Variants in ADARB2 observed in about 807,000 individuals in gnomAD.
The protein encoded by ADARB2 is inactive double-stranded RNA-specific editase B2.
Under a neutral mutation model 62.2 loss-of-function variants are expected in ADARB2, and 25 were observed. The observed-to-expected ratio is 0.40, with a 90% CI of 0.29 to 0.56. The LOEUF (loss-of-function observed/expected upper bound fraction) is 0.56, where lower values mean the gene tolerates loss of function less well. ADARB2 is among the 20% of genes least tolerant of loss of function. The pLI, the probability that ADARB2 is intolerant of heterozygous loss-of-function variation, is 0.43. For synonymous variants in ADARB2, 572 were observed against 500.8 expected (o/e 1.14, Z -1.90); for missense variants, 1,071 against 1,077.4 (o/e 0.99, Z 0.08).
chr10:1,270,810 A>G (rs1443016105), intron 4 of ADARB2, 145 bp downstream of exon 4: 2 of 696,122 alleles, frequency 2.9e-6, no homozygotes, highest in African/African-American at 1.8e-5. Context: ...CTGGCCACTG[A>G]TCTCTGTATA....
intron 7 of ADARB2, among the ~76,000 whole-genome samples, chr10:1,202,254 G>T (rs370013976): frequency 3.6e-4 from 54 of 152,062 alleles, no homozygotes; most frequent in African/African-American, 1.2e-3. Flanking sequence ...TTGTGTGTGT[G>T]TGTGTTTTTT....
intron 1 of ADARB2, among the ~76,000 whole-genome samples, chr10:1,697,868 G>T (rs921701586): frequency 9.2e-5 from 14 of 152,300 alleles, no homozygotes; most frequent in African/African-American, 3.1e-4. Context: ...CTCCGTAACC[G>T]TGAATTCATC....
intron 3 of ADARB2, chr10:1,291,717 A>C (rs967246548): frequency 1.3e-5 from 2 of 152,234 alleles, no homozygotes; most frequent in African/African-American, 4.8e-5. Flanking sequence ...AAATTTGGAC[A>C]AACATGCAAC....
chr10:1,352,446 C>T (rs1832153063), intron 3 of ADARB2, among the ~76,000 whole-genome samples: 1 of 152,190 alleles, frequency 6.6e-6, no homozygotes, highest in Non-Finnish European at 1.5e-5. Flanking sequence ...CCTGACTCAT[C>T]CTGACCCTTT....
chr10:1,555,433 C>T (rs1476398143), intron 1 of ADARB2, among the ~76,000 whole-genome samples: 1 of 152,142 alleles, frequency 6.6e-6, no homozygotes, highest in Non-Finnish European at 1.5e-5. Flanking sequence ...CAATTTGAAG[C>T]TCAATCATCC....
intron 1 of ADARB2, among the ~76,000 whole-genome samples, chr10:1,619,181 A>G (rs1421256205): frequency 2.0e-5 from 3 of 152,166 alleles, no homozygotes; most frequent in Non-Finnish European, 4.4e-5. Context: ...TGGTCTAAAC[A>G]CCCAAATAAA....
chr10:1,336,745 C>T (rs1370125317), intron 3 of ADARB2, among the ~76,000 whole-genome samples: 3 of 152,154 alleles, frequency 2.0e-5, no homozygotes, highest in Non-Finnish European at 2.9e-5. Context: ...TTTCTTAGTC[C>T]ACTGAGGACT....
At chr10:1,621,527 T>A (rs1196285552) in intron 1 of ADARB2, among the ~76,000 whole-genome samples, 2 of 152,116 alleles carry the variant, frequency 1.3e-5, no homozygotes, top group African/African-American at 2.4e-5. Context: ...GTGGTTCTCC[T>A]GCCTCAGCCT....
intron 3 of ADARB2, among the ~76,000 whole-genome samples, chr10:1,313,713 G>A (rs1403594388): frequency 2.6e-5 from 4 of 152,212 alleles, no homozygotes; most frequent in Non-Finnish European, 4.4e-5. Context: ...ACACCACAGA[G>A]ATGACACCTG....
At chr10:1,718,173 A>G (rs2119161212) in intron 1 of ADARB2, among the ~76,000 whole-genome samples, 1 of 152,312 alleles carries the variant, frequency 6.6e-6, no homozygotes, top group Middle Eastern at 3.4e-3. Flanking sequence ...ACATCATAGG[A>G]AGGTGATGGC....
intron 4 of ADARB2, among the ~76,000 whole-genome samples, chr10:1,257,796 C>T (rs139287269): frequency 2.8e-3 from 425 of 152,276 alleles, no homozygotes; most frequent in African/African-American, 8.4e-3. Flanking sequence ...CCAGTGTTTC[C>T]GCAGGGAAGT....
chr10:1,200,507 A>T, intron 7 of ADARB2: 1 of 456,258 alleles, frequency 2.2e-6, no homozygotes, highest in Non-Finnish European at 3.8e-6. Context: ...GCTGGGAAAT[A>T]CTATAAATGG....
At chr10:1,266,563 G>C (rs1173589322) in intron 4 of ADARB2, among the ~76,000 whole-genome samples, 2 of 152,154 alleles carry the variant, frequency 1.3e-5, no homozygotes, top group East Asian at 3.9e-4. Context: ...TGATGGAAAT[G>C]GGCCCTGGGC....
chr10:1,350,809 C>T (rs1832129484), intron 3 of ADARB2, among the ~76,000 whole-genome samples: 1 of 152,162 alleles, frequency 6.6e-6, no homozygotes, highest in African/African-American at 2.4e-5. Context: ...TTCCGGCCCT[C>T]AAACCCCACA....
intron 3 of ADARB2, among the ~76,000 whole-genome samples, chr10:1,354,162 G>A (rs561974055): frequency 1.1e-3 from 162 of 151,896 alleles, no homozygotes; most frequent in Non-Finnish European, 1.3e-3. Flanking sequence ...AATTTTCGCC[G>A]CCCCAATACT....
intron 2 of ADARB2, among the ~76,000 whole-genome samples, chr10:1,369,710 A>AC (rs532529499): frequency 0.088 from 2,035 of 23,020 alleles, 50 homozygotes; most frequent in African/African-American, 0.094. Context: ...TAGCCCACCA[A>AC]TGGCAGCTCT....
chr10:1,452,652 G>A (rs1158065674), intron 1 of ADARB2, among the ~76,000 whole-genome samples: 5 of 150,902 alleles, frequency 3.3e-5, no homozygotes, highest in Non-Finnish European at 4.4e-5. Context: ...GGCCTGTTGG[G>A]GGGTTGGGGG....
intron 1 of ADARB2, among the ~76,000 whole-genome samples, chr10:1,695,441 C>T (rs1345760664): frequency 6.6e-6 from 1 of 152,186 alleles, no homozygotes; most frequent in Non-Finnish European, 1.5e-5. Context: ...TCAAGCTATC[C>T]ACTTTAGGGG....
chr10:1,241,133 C>A (rs1378466445), intron 5 of ADARB2, among the ~76,000 whole-genome samples: 1 of 152,164 alleles, frequency 6.6e-6, no homozygotes, highest in Non-Finnish European at 1.5e-5. Flanking sequence ...GTGGTGAACG[C>A]CTGTAGACCC....
Sources: gnomAD v4.1 joint callset for allele counts (sites outside exome capture counted in the v4.1 genomes callset) on GRCh38, gnomAD v4.1.1 for gene constraint, MANE v1.5 for transcripts, NCBI Gene and HGNC (gene_info 2026-07-23, HGNC 2026-07-21) for gene names.